COL4A1: variants seen among roughly 807,000 people sequenced by gnomAD.
COL4A1 encodes the protein collagen alpha-1(IV) chain.
COL4A1 carries 40 observed loss-of-function variants against 216.6 expected under a neutral mutation model. That is an observed-to-expected ratio of 0.18 (90% CI 0.14 to 0.24). The LOEUF (loss-of-function observed/expected upper bound fraction) is 0.24. Among genes scored for constraint, COL4A1 ranks in the 10% least tolerant of loss-of-function variants. The pLI, the probability that COL4A1 is intolerant of heterozygous loss-of-function variation, is 1.00. For synonymous variants in COL4A1, 839 were observed against 810.7 expected, an observed-to-expected ratio of 1.03 and a Z score of -0.59; for missense variants, 1,628 against 2,196.8, an observed-to-expected ratio of 0.74 and a Z score of 5.18.
chr13:110,276,887 G>T (rs1005723447), intron 1 of COL4A1, among the ~76,000 whole-genome samples: 2 of 152,206 alleles, frequency 1.3e-5, no homozygotes, highest in African/African-American at 4.8e-5. Flanking sequence ...ACCCTGTTTG[G>T]CCTGCACCAT....
At chr13:110,261,555 T>A (rs1882830269) in intron 1 of COL4A1, among the ~76,000 whole-genome samples, 1 of 152,140 alleles carries the variant, frequency 6.6e-6, no homozygotes, top group Non-Finnish European at 1.5e-5. Flanking sequence ...AGATTCAAAT[T>A]ACTGAAGATA....
chr13:110,175,228 C>T lies in COL4A1; in HGVS notation c.3188G>A (p.Arg1063Gln), dbSNP rs755532903. 6.2e-6 allele frequency: 10 copies of T among 1,614,072 alleles called. No individual in the cohort carries two copies. The highest frequency in any genetic ancestry group is 6.8e-6 in the Non-Finnish European group (8 of 1,180,038). ...CAGAGCGCTGGTTACCTTTTCACCTCGCAGCCCTGGGATGCCTATGCCAGG... is the reference window on the plus strand; with the variant it reads ...CAGAGCGCTGGTTACCTTTTCACCTTGCAGCCCTGGGATGCCTATGCCAGG... Reference protein sequence around the residue: ...GPPGIGIPGLRGEKGDQGIAG... With the variant: ...GPPGIGIPGLQGEKGDQGIAG... Residue 1063 changes from arginine to glutamine, a missense_variant, in exon 37 of 52, where the codon CGA becomes CAA. Transcript: ENST00000375820.
chr13:110,205,495 G>A lies in COL4A1; in HGVS notation c.902C>T (p.Pro301Leu), dbSNP rs1300378189. 3 of 1,607,198 alleles carry A rather than the reference G, an allele frequency of 1.9e-6. No homozygotes were observed. The highest frequency in any genetic ancestry group is 1.5e-5 in the African/African-American group (1 of 68,522). Residue 301 changes from proline (P) to leucine (L), a missense_variant and splice_region_variant, in exon 16 of 52, where the codon CCC becomes CTC. Coordinates refer to ENST00000375820, the MANE Select transcript of COL4A1 (RefSeq NM_001845.6). ...KDGDKGEKGS[P>L]GFPGEPGYPG... Reference sequence around the variant, plus strand: ...TAAAAACCACAGAGAAACACTTACGGGACTCCCTTTTTCCCCTTTGTCACC... The same window carrying A: ...TAAAAACCACAGAGAAACACTTACGAGACTCCCTTTTTCCCCTTTGTCACC...
In COL4A1 at chr13:110,203,609, T is replaced by C; in HGVS notation, c.958-2A>G. On this transcript the variant is annotated splice_acceptor_variant, in intron 17 of 51. Coordinates refer to ENST00000375820, the MANE Select transcript of COL4A1 (RefSeq NM_001845.6). LOFTEE classifies it high-confidence loss of function. ...AGGACCTGCTTCACCCTTTTCTCCC[T>C]ACAAAAGAAAAAATAACTTTCCTTG... 1 of 1,614,100 alleles carries C rather than the reference T, an allele frequency of 6.2e-7. No individual in the cohort carries two copies. Among genetic ancestry groups the C allele is most frequent in the Non-Finnish European group, 8.5e-7 (1 of 1,179,978 alleles).
At chr13:110,269,045 G>A (rs1222422117) in intron 1 of COL4A1, among the ~76,000 whole-genome samples, 5 of 152,178 alleles carry the variant, frequency 3.3e-5, no homozygotes, top group Admixed American at 6.5e-5. Context: ...ACGATGACCC[G>A]GAGCCACTTG....
At chr13:110,208,192 A>C (rs1052764846) in intron 12 of COL4A1, among the ~76,000 whole-genome samples, 1 of 152,026 alleles carries the variant, frequency 6.6e-6, no homozygotes, top group Non-Finnish European at 1.5e-5. Context: ...ATCCAGGGAA[A>C]CTCCTGGAGA....
At chr13:110,261,999 G>T (rs1043358402) in intron 1 of COL4A1, among the ~76,000 whole-genome samples, 2 of 152,212 alleles carry the variant, frequency 1.3e-5, no homozygotes, top group African/African-American at 4.8e-5. Context: ...GAAACACTGG[G>T]TCCTATTTAA....
intron 1 of COL4A1, among the ~76,000 whole-genome samples, chr13:110,271,810 G>T (rs563971031): frequency 3.9e-5 from 6 of 152,278 alleles, no homozygotes; most frequent in African/African-American, 1.4e-4. Flanking sequence ...TTTCATCATT[G>T]TTCTGTGGTT....
At chr13:110,258,852 G>T (rs986910725) in intron 1 of COL4A1, among the ~76,000 whole-genome samples, 1 of 152,118 alleles carries the variant, frequency 6.6e-6, no homozygotes, top group African/African-American at 2.4e-5. Flanking sequence ...AATAAGTTCA[G>T]CATAGTTTTA....
At chr13:110,150,737 C>T (rs1008430153) in intron 51 of COL4A1, among the ~76,000 whole-genome samples, 1 of 152,258 alleles carries the variant, frequency 6.6e-6, no homozygotes, top group Non-Finnish European at 1.5e-5. Flanking sequence ...GCTCCGAAGC[C>T]TTGGCCATTC....
intron 49 of COL4A1, among the ~76,000 whole-genome samples, chr13:110,158,781 C>A (rs563026728): frequency 2.6e-4 from 32 of 124,802 alleles, no homozygotes; most frequent in African/African-American, 9.2e-4. Flanking sequence ...TTGCTCTTGT[C>A]GCCTAGGCTG....
intron 2 of COL4A1, among the ~76,000 whole-genome samples, chr13:110,219,155 C>T (rs1352673778): frequency 6.6e-6 from 1 of 152,196 alleles, no homozygotes; most frequent in Non-Finnish European, 1.5e-5. Flanking sequence ...GGCTTGACGT[C>T]AGGGCAGGAA....
At chr13:110,189,310 G>A (rs564091371) in intron 24 of COL4A1, among the ~76,000 whole-genome samples, 18 of 152,288 alleles carry the variant, frequency 1.2e-4, no homozygotes, top group East Asian at 9.7e-4. Flanking sequence ...TGATCCGCCC[G>A]CCTCGGCCTC....
chr13:110,274,350 T>C (rs897916606), intron 1 of COL4A1, among the ~76,000 whole-genome samples: 3 of 152,204 alleles, frequency 2.0e-5, no homozygotes, highest in Non-Finnish European at 4.4e-5. Flanking sequence ...GGAAGCCCCC[T>C]TTCCCATGAG....
intron 2 of COL4A1, among the ~76,000 whole-genome samples, chr13:110,225,269 A>AG (rs1195446900): frequency 2.0e-5 from 3 of 152,194 alleles, no homozygotes; most frequent in East Asian, 3.9e-4. Flanking sequence ...CAGATGGCAC[A>AG]GGGTAGGTAC....
At chr13:110,246,144 T>TAA (rs35110605) in intron 1 of COL4A1, among the ~76,000 whole-genome samples, 11 of 144,372 alleles carry the variant, frequency 7.6e-5, no homozygotes, top group Admixed American at 2.1e-4. Flanking sequence ...ATGGTTTTGT[T>TAA]AAAAAAAAAA....
intron 43 of COL4A1, 80 bp from the exon 44 acceptor site, chr13:110,167,310 G>A: frequency 9.6e-7 from 1 of 1,042,644 alleles, no homozygotes; most frequent in Non-Finnish European, 1.5e-6. Context: ...GTTGGAAAAT[G>A]GAAACAGCCC....
chr13:110,250,774 C>T (rs1566413944), intron 1 of COL4A1, among the ~76,000 whole-genome samples: 1 of 152,222 alleles, frequency 6.6e-6, no homozygotes, highest in Non-Finnish European at 1.5e-5. Flanking sequence ...GCTTGTGAGT[C>T]ACTGGCCTGA....
chr13:110,170,182 CA>C (rs1877566953), intron 42 of COL4A1, among the ~76,000 whole-genome samples: 1 of 150,854 alleles, frequency 6.6e-6, no homozygotes, highest in Non-Finnish European at 1.5e-5. Context: ...TCTCCGTGTC[CA>C]AAATGGCCTG....
Sources: gnomAD v4.1 joint callset for allele counts (sites outside exome capture counted in the v4.1 genomes callset) on GRCh38, gnomAD v4.1.1 for gene constraint, MANE v1.5 for transcripts, NCBI Gene and HGNC (gene_info 2026-07-23, HGNC 2026-07-21) for gene names.